NSD1: variants seen among roughly 807,000 people sequenced by gnomAD.
NSD1 encodes nuclear receptor binding SET domain protein 1, also known as histone-lysine N-methyltransferase, H3 lysine-36 specific.
Under a neutral mutation model 242.7 loss-of-function variants are expected in NSD1, and 26 were observed. That is an observed-to-expected ratio of 0.11 (90% CI 0.08 to 0.15). The LOEUF (loss-of-function observed/expected upper bound fraction) is 0.15, where lower values mean the gene tolerates loss of function less well. Ranked by LOEUF, NSD1 falls within the 10% of genes least tolerant of loss-of-function variation. The probability of loss-of-function intolerance (pLI) is 1.00; values close to 1 mark genes in which losing one functional copy is unlikely to be tolerated. For synonymous variants in NSD1, 1,106 were observed against 1,178.1 expected (o/e 0.94, Z 1.25); for missense variants, 2,495 against 3,272.8 (o/e 0.76, Z 5.80).
chr5:177,247,919 C>T, intron 10 of NSD1: 1 of 985,298 alleles, frequency 1.0e-6, no homozygotes, highest in Non-Finnish European at 1.2e-6. Context: ...TTTTCTCTCC[C>T]TTAGTGAAAC....
At chr5:177,276,848 A>C (rs1448487143) in intron 17 of NSD1, among the ~76,000 whole-genome samples, 1 of 152,254 alleles carries the variant, frequency 6.6e-6, no homozygotes, top group South Asian at 2.1e-4. Context: ...AAAAAGTCAT[A>C]AACTGTTAAT....
chr5:177,202,732 G>T (rs1033442442), intron 3 of NSD1, among the ~76,000 whole-genome samples: 1 of 152,060 alleles, frequency 6.6e-6, no homozygotes, highest in Non-Finnish European at 1.5e-5. Flanking sequence ...TTGACTTTAA[G>T]AACCTCTGTA....
In NSD1 at chr5:177,299,866, C is replaced by T. The variant is rs184497744; in HGVS notation, c.*4407C>T. ...GGGGCAGGCCAGAGCAAGGCGGTCT[C>T]ATCGAGGTGGGTGCTACCTGTGTGT... On this transcript the variant is annotated 3_prime_UTR_variant, in exon 23 of 23. Transcript: ENST00000439151. 1 of 233,244 alleles carries T rather than the reference C, an allele frequency of 4.3e-6. No individual in the cohort carries two copies. The highest frequency in any genetic ancestry group is 6.0e-5 in the East Asian group (1 of 16,608). The allele number at this position is 233,244 out of a possible 1,614,324, so 14.4% of individuals were successfully genotyped here. A position where few individuals can be genotyped will look rare whatever the true frequency, so the allele number is the denominator to read the frequency against.
At chr5:177,231,312 TG>T (rs1454803647) in intron 5 of NSD1, among the ~76,000 whole-genome samples, 1 of 152,200 alleles carries the variant, frequency 6.6e-6, no homozygotes, top group Non-Finnish European at 1.5e-5. Flanking sequence ...GTTGAACTCC[TG>T]GGCTCAAGTA....
intron 17 of NSD1, among the ~76,000 whole-genome samples, chr5:177,275,781 G>A (rs1446214563): frequency 6.6e-6 from 1 of 152,018 alleles, no homozygotes; most frequent in Non-Finnish European, 1.5e-5. Context: ...GTGAATTATT[G>A]ATGAGTTAGT....
chr5:177,148,063 C>G (rs1334704297), intron 2 of NSD1, among the ~76,000 whole-genome samples: 1 of 151,252 alleles, frequency 6.6e-6, no homozygotes, highest in Non-Finnish European at 1.5e-5. Context: ...GTTTTCACTT[C>G]TCTGGGATAA....
At chr5:177,168,005 A>G (rs936516851) in intron 2 of NSD1, among the ~76,000 whole-genome samples, 1 of 152,098 alleles carries the variant, frequency 6.6e-6, no homozygotes, top group African/African-American at 2.4e-5. Flanking sequence ...TAGCTTTTTC[A>G]TTTCTCTAAA....
At position 177,298,972 on chromosome 5, in the gene NSD1, A is replaced by G. The variant is rs1760420236; in HGVS notation, c.*3513A>G. 3 of 232,998 alleles carry G rather than the reference A, an allele frequency of 1.3e-5. No individual in the cohort carries two copies. The highest frequency in any genetic ancestry group is 1.7e-5 in the Non-Finnish European group (2 of 117,958). 14.4% of individuals were successfully genotyped at this position (232,998 alleles called of 1,614,324 possible). A position where few individuals can be genotyped will look rare whatever the true frequency, so the allele number is the denominator to read the frequency against. ...CTCTCTCAGATCATGGCAGAGAAGG[A>G]GCTGCCTCCAGCCCCTTTCTTGCTG... On this transcript the variant is annotated 3_prime_UTR_variant, in exon 23 of 23. Transcript: ENST00000439151.
intron 5 of NSD1, chr5:177,221,059 T>TA: frequency 2.2e-6 from 1 of 454,796 alleles, no homozygotes; most frequent in Non-Finnish European, 4.4e-6. Context: ...TTTTAATAGA[T>TA]ACGGGGTTTC....
intron 2 of NSD1, among the ~76,000 whole-genome samples, chr5:177,166,996 T>TG (rs1759260134): frequency 6.6e-6 from 1 of 151,930 alleles, no homozygotes; most frequent in Non-Finnish European, 1.5e-5. Context: ...TCTGCCCACC[T>TG]CGGCCTCCCA....
Position 177,210,117 on chromosome 5 carries a change from G to T in NSD1, c.1718G>T (p.Cys573Phe). ...TAPGSFLFSSCGKNTAKKEFE... is the reference protein window; with the variant it reads ...TAPGSFLFSSFGKNTAKKEFE... ...CCAGGAAGTTTTCTGTTTTCTTCCT[G>T]TGGAAAAAACACTGCAAAGAAAGAA... Residue 573 changes from cysteine to phenylalanine, a missense_variant, in exon 5 of 23, where the codon TGT (cysteine) becomes TTT (phenylalanine). By Grantham distance (205) the Cys-to-Phe change is radical. Coordinates refer to ENST00000439151, the MANE Select transcript of NSD1 (RefSeq NM_022455.5). 1 of 1,613,346 alleles carries T rather than the reference G, an allele frequency of 6.2e-7. No homozygotes were observed. The highest frequency in any genetic ancestry group is 8.5e-7 in the Non-Finnish European group (1 of 1,179,800).
At position 177,158,293 on chromosome 5, in the gene NSD1, C is replaced by CTTTCTTTCTTTCTTTCT. The variant is rs1758350204; in HGVS notation, c.927+22274_927+22275insCTTTCTTTTCTTTCTTT. Among the ~76,000 whole-genome samples, 286 of 77,594 alleles carry CTTTCTTTCTTTCTTTCT rather than the reference C, an allele frequency of 3.7e-3. 1 individual carries two copies. Among genetic ancestry groups the CTTTCTTTCTTTCTTTCT allele is most frequent in the East Asian group, 0.012 (27 of 2,310 alleles). 50.9% of individuals were successfully genotyped at this position (77,594 alleles called of 152,430 possible). ...TCTTTCTTTCTTTCTTTCTTTCTTT[C>CTTTCTTTCTTTCTTTCT]TTTCTTTCTTTTCTTTCTTTTCTTT... On this transcript the variant is annotated intron_variant, in intron 2 of 22. Coordinates refer to ENST00000439151, the MANE Select transcript of NSD1 (RefSeq NM_022455.5).
intron 5 of NSD1, among the ~76,000 whole-genome samples, chr5:177,213,546 C>T (rs891829959): frequency 6.6e-5 from 10 of 152,200 alleles, no homozygotes; most frequent in African/African-American, 2.4e-4. Context: ...CGGCTCACTG[C>T]AGGCTCCGCC....
intron 2 of NSD1, among the ~76,000 whole-genome samples, chr5:177,143,598 G>C (rs746050093): frequency 6.6e-6 from 1 of 152,044 alleles, no homozygotes; most frequent in African/African-American, 2.4e-5. Flanking sequence ...GGGATTACAG[G>C]CATGAGCCAC....
intron 14 of NSD1, among the ~76,000 whole-genome samples, chr5:177,262,323 C>T (rs1008210042): frequency 6.6e-6 from 1 of 152,078 alleles, no homozygotes; most frequent in African/African-American, 2.4e-5. Flanking sequence ...CTAAAGAAGC[C>T]GAACACGGTG....
At chr5:177,265,732 G>C (rs1457046594) in intron 14 of NSD1, 2 of 1,577,168 alleles carry the variant, frequency 1.3e-6, no homozygotes, top group Admixed American at 1.7e-5. Context: ...CCTCCATGTA[G>C]AACACCGTCT....
intron 2 of NSD1, among the ~76,000 whole-genome samples, chr5:177,139,469 A>G (rs1256849108): frequency 6.6e-6 from 1 of 151,784 alleles, no homozygotes. Flanking sequence ...AAAGCGGTCA[A>G]TCTTAGAATG....
intron 2 of NSD1, among the ~76,000 whole-genome samples, chr5:177,152,546 C>T (rs1172385559): frequency 2.0e-5 from 3 of 148,092 alleles, no homozygotes; most frequent in Non-Finnish European, 4.5e-5. Flanking sequence ...CTCTGGCTCC[C>T]GGGTTCACGC....
intron 3 of NSD1, among the ~76,000 whole-genome samples, chr5:177,201,169 G>C (rs1172645944): frequency 6.6e-6 from 1 of 152,066 alleles, no homozygotes; most frequent in Non-Finnish European, 1.5e-5. Context: ...TTATAGGTGT[G>C]AGCCACTGTG....
Sources: allele counts gnomAD v4.1 joint callset (sites outside exome capture counted in the v4.1 genomes callset), GRCh38; gene constraint gnomAD v4.1.1; transcripts MANE v1.5; gene names NCBI Gene and HGNC (gene_info 2026-07-23, HGNC 2026-07-21).